STK33: variants seen among roughly 807,000 people sequenced by gnomAD.
The protein encoded by STK33 is serine/threonine kinase 33, also known as serine/threonine-protein kinase 33.
STK33 carries 52 observed loss-of-function variants against 58.0 expected under a neutral mutation model. The ratio of observed to expected loss-of-function variants is 0.90; its 90% CI spans 0.72 to 1.13. The LOEUF (loss-of-function observed/expected upper bound fraction) is 1.13, where lower values mean the gene tolerates loss of function less well. Among genes scored for constraint, STK33 ranks in the 50% most tolerant of loss-of-function variants. The pLI, the probability that STK33 is intolerant of heterozygous loss-of-function variation, is 0.00. For missense variants in STK33, 630 were observed against 604.2 expected (o/e 1.04, Z -0.45); for synonymous variants, 215 against 200.1 (o/e 1.07, Z -0.63).
chr11:8,380,752 A>C, the STK33 span, among the ~76,000 whole-genome samples: 1 of 152,200 alleles, frequency 6.6e-6, no homozygotes, highest in Non-Finnish European at 1.5e-5. Flanking sequence ...CCAAAGGAAA[A>C]TAAATCATTG....
intron 14 of STK33, among the ~76,000 whole-genome samples, chr11:8,422,226 A>AT (rs1430898284): frequency 3.3e-5 from 5 of 152,016 alleles, no homozygotes; most frequent in Non-Finnish European, 5.9e-5. Context: ...TGATCATATG[A>AT]TTTTTTCCTT....
Position 8,464,856 on chromosome 11 carries a change from T to C in STK33, c.340-34A>G, listed in dbSNP as rs200073358. ...AAAAAAAAAAAGAGTTGTCTCTCTA[T>C]GCCATTCATCAGCTATTAAAAATGA... is the stretch of plus-strand genomic sequence containing the variant. On this transcript the variant is annotated intron_variant, in intron 6 of 15. Coordinates refer to ENST00000687296, the MANE Select transcript of STK33 (RefSeq NM_001352389.2). 2.2e-6 allele frequency: 3 copies of C among 1,372,840 alleles called. No homozygotes were observed. The East Asian group carries it at 6.9e-5, about 31-fold the overall frequency. The allele number at this position is 1,372,840 out of a possible 1,614,324, so 85.0% of individuals were successfully genotyped here. A position where few individuals can be genotyped will look rare whatever the true frequency, so the allele number is the denominator to read the frequency against.
the STK33 span, among the ~76,000 whole-genome samples, chr11:8,346,526 T>C: frequency 1.3e-5 from 2 of 152,186 alleles, no homozygotes; most frequent in Non-Finnish European, 2.9e-5. Flanking sequence ...GATGGTGGCA[T>C]GGTGCTCTGA....
the STK33 span, among the ~76,000 whole-genome samples, chr11:8,364,800 G>A: frequency 6.6e-6 from 1 of 152,146 alleles, no homozygotes; most frequent in African/African-American, 2.4e-5. Context: ...GTTGATGGAC[G>A]TAGGGGTTGT....
intron 1 of STK33, among the ~76,000 whole-genome samples, chr11:8,560,017 T>C (rs1957016754): frequency 6.6e-6 from 1 of 152,144 alleles, no homozygotes; most frequent in South Asian, 2.1e-4. Context: ...TATATAAGCA[T>C]TCTAAATTAT....
At chr11:8,575,492 A>T (rs1958115832) in intron 1 of STK33, among the ~76,000 whole-genome samples, 1 of 152,244 alleles carries the variant, frequency 6.6e-6, no homozygotes, top group Non-Finnish European at 1.5e-5. Context: ...AATAAGTCAG[A>T]CACAAAATGA....
chr11:8,471,281 C>A (rs1948749754), intron 6 of STK33, among the ~76,000 whole-genome samples: 1 of 152,100 alleles, frequency 6.6e-6, no homozygotes, highest in South Asian at 2.1e-4. Context: ...TGAGAAATGG[C>A]CAACTAGTTT....
chr11:8,420,410 C>G (rs191500771), intron 14 of STK33, among the ~76,000 whole-genome samples: 1 of 151,994 alleles, frequency 6.6e-6, no homozygotes, highest in African/African-American at 2.4e-5. Flanking sequence ...CAGGAGAAAA[C>G]GGTTTGAGAA....
chr11:8,477,469 T>A (rs188163749), intron 2 of STK33, among the ~76,000 whole-genome samples, 186 bp from the exon 3 acceptor site: 1 of 152,280 alleles, frequency 6.6e-6, no homozygotes, highest in Non-Finnish European at 1.5e-5. Context: ...ATTAAGAATA[T>A]TGATTTTATG....
intron 1 of STK33, among the ~76,000 whole-genome samples, chr11:8,510,461 C>T (rs1565227544): frequency 6.6e-6 from 1 of 152,062 alleles, no homozygotes. Context: ...TGTCTGTTTA[C>T]TCTGTTGATT....
chr11:8,556,964 C>A (rs1956781358), intron 1 of STK33, among the ~76,000 whole-genome samples: 2 of 151,902 alleles, frequency 1.3e-5, no homozygotes, highest in African/African-American at 4.8e-5. Context: ...TTAAAAGAAA[C>A]CTTAAACCAG....
chr11:8,506,411 C>T (rs1951865362), intron 1 of STK33, among the ~76,000 whole-genome samples: 1 of 152,166 alleles, frequency 6.6e-6, no homozygotes, highest in Non-Finnish European at 1.5e-5. Flanking sequence ...GTGGCTTAAA[C>T]AATACAAATT....
intron 1 of STK33, among the ~76,000 whole-genome samples, chr11:8,527,829 T>C (rs964799322): frequency 4.6e-5 from 7 of 152,216 alleles, no homozygotes; most frequent in Non-Finnish European, 7.3e-5. Context: ...ACACTTCCAC[T>C]ACTACATTTC....
At chr11:8,505,786 G>A (rs1951821060) in intron 1 of STK33, among the ~76,000 whole-genome samples, 1 of 152,196 alleles carries the variant, frequency 6.6e-6, no homozygotes, top group African/African-American at 2.4e-5. Flanking sequence ...ATGAATGAAG[G>A]AAGGAATGAA....
the STK33 span, among the ~76,000 whole-genome samples, chr11:8,356,397 G>A: frequency 1.3e-5 from 2 of 152,290 alleles, no homozygotes; most frequent in Middle Eastern, 3.4e-3. Context: ...CTCCTCCAAA[G>A]TGACTGGCTG....
At chr11:8,354,891 A>C in the STK33 span, among the ~76,000 whole-genome samples, 1 of 152,244 alleles carries the variant, frequency 6.6e-6, no homozygotes, top group Non-Finnish European at 1.5e-5. Context: ...TTGGAAGCCC[A>C]GCCTGGCAGG....
intron 1 of STK33, among the ~76,000 whole-genome samples, chr11:8,494,034 G>A (rs1043423638): frequency 6.6e-6 from 1 of 152,162 alleles, no homozygotes; most frequent in South Asian, 2.1e-4. Flanking sequence ...TTGAAAACCT[G>A]CACAAGACAG....
chr11:8,399,080 T>C (rs1163368927), intron 15 of STK33, among the ~76,000 whole-genome samples: 1 of 152,096 alleles, frequency 6.6e-6, no homozygotes, highest in Non-Finnish European at 1.5e-5. Flanking sequence ...TTAAAAAGGA[T>C]ATCCAGGAAT....
chr11:8,504,608 G>A (rs993306588), intron 1 of STK33, among the ~76,000 whole-genome samples: 4 of 151,750 alleles, frequency 2.6e-5, no homozygotes, highest in Admixed American at 2.0e-4. Flanking sequence ...AGCAACACAG[G>A]GAGACCTCAT....
Sources: allele counts gnomAD v4.1 joint callset (sites outside exome capture counted in the v4.1 genomes callset), GRCh38; gene constraint gnomAD v4.1.1; transcripts MANE v1.5; gene names NCBI Gene and HGNC (gene_info 2026-07-23, HGNC 2026-07-21).